CSMD1: variants seen among roughly 807,000 people sequenced by gnomAD.
The protein encoded by CSMD1 is CUB and Sushi multiple domains 1, also known as CUB and sushi domain-containing protein 1.
A neutral mutation model predicts 417.5 loss-of-function variants in CSMD1; 213 were observed. The observed-to-expected ratio is 0.51, with a 90% CI of 0.46 to 0.57. The LOEUF (loss-of-function observed/expected upper bound fraction) is 0.57. CSMD1 is among the 20% of genes least tolerant of loss of function. CSMD1 has a pLI of 0.00. For synonymous variants in CSMD1, 2,862 were observed against 1,736.8 expected, an observed-to-expected ratio of 1.65 and a Z score of -16.11; for missense variants, 6,923 against 4,529.7, an observed-to-expected ratio of 1.53 and a Z score of -15.17.
intron 9 of CSMD1, 30 bp downstream of exon 9, chr8:3,586,106 T>C (rs1489234581): frequency 1.9e-6 from 3 of 1,598,992 alleles, no homozygotes; most frequent in East Asian, 2.2e-5. Flanking sequence ...AAAGAGATAA[T>C]CCAGGCTTTA....
chr8:4,314,105 C>T (rs1016257508), intron 3 of CSMD1, among the ~76,000 whole-genome samples: 1 of 152,016 alleles, frequency 6.6e-6, no homozygotes, highest in African/African-American at 2.4e-5. Flanking sequence ...GGATTCAACA[C>T]TGATACCACC....
At chr8:4,464,385 A>G (rs774285544) in intron 2 of CSMD1, among the ~76,000 whole-genome samples, 3 of 152,242 alleles carry the variant, frequency 2.0e-5, no homozygotes, top group African/African-American at 7.2e-5. Flanking sequence ...TGCATTTAAT[A>G]TACCTAACCT....
chr8:4,676,797 G>A (rs1805712217), intron 1 of CSMD1, among the ~76,000 whole-genome samples: 1 of 151,628 alleles, frequency 6.6e-6, no homozygotes, highest in African/African-American at 2.4e-5. Context: ...TCAGCGAGTT[G>A]CTCATTTTAT....
At chr8:3,480,913 T>C (rs1419348659) in intron 11 of CSMD1, among the ~76,000 whole-genome samples, 1 of 151,940 alleles carries the variant, frequency 6.6e-6, no homozygotes, top group Non-Finnish European at 1.5e-5. Context: ...TCCCAGCACT[T>C]TGGGAGGCCG....
At chr8:3,121,477 G>T (rs1817202435) in intron 41 of CSMD1, among the ~76,000 whole-genome samples, 1 of 152,276 alleles carries the variant, frequency 6.6e-6, no homozygotes, top group East Asian at 1.9e-4. Flanking sequence ...AACACTATGT[G>T]AGACAAATTC....
intron 5 of CSMD1, among the ~76,000 whole-genome samples, chr8:3,788,388 G>C (rs1156932734): frequency 6.6e-6 from 1 of 152,104 alleles, no homozygotes; most frequent in Non-Finnish European, 1.5e-5. Flanking sequence ...AGCCTTCATT[G>C]GTCACAGAAG....
chr8:4,823,043 G>A (rs867592497), intron 1 of CSMD1, among the ~76,000 whole-genome samples: 3 of 152,016 alleles, frequency 2.0e-5, no homozygotes, highest in South Asian at 4.2e-4. Flanking sequence ...CTGTGTCTGT[G>A]AAATGCATTT....
intron 5 of CSMD1, among the ~76,000 whole-genome samples, chr8:3,884,859 G>C (rs1806448238): frequency 2.0e-5 from 3 of 150,648 alleles, no homozygotes. Context: ...AAATGCCAAG[G>C]CTGAGAATTT....
chr8:3,605,270 G>A (rs759867174), intron 8 of CSMD1, among the ~76,000 whole-genome samples: 22 of 152,260 alleles, frequency 1.4e-4, no homozygotes, highest in Non-Finnish European at 2.5e-4. Context: ...GTTTACAGGC[G>A]TGCGCCATCG....
intron 3 of CSMD1, among the ~76,000 whole-genome samples, chr8:4,290,822 T>A (rs1213070228): frequency 6.6e-6 from 1 of 152,188 alleles, no homozygotes; most frequent in African/African-American, 2.4e-5. Flanking sequence ...AATTTGTAAT[T>A]AAAATAATTC....
chr8:3,960,253 A>T (rs1043919155), intron 5 of CSMD1, among the ~76,000 whole-genome samples: 1 of 152,222 alleles, frequency 6.6e-6, no homozygotes, highest in Non-Finnish European at 1.5e-5. Flanking sequence ...ACATTCTGGA[A>T]ACAGCAAATC....
chr8:4,438,777 C>A (rs1798293414), intron 2 of CSMD1, among the ~76,000 whole-genome samples: 1 of 152,208 alleles, frequency 6.6e-6, no homozygotes, highest in Non-Finnish European at 1.5e-5. Flanking sequence ...CCCTGAATCA[C>A]AAGTGCTTGA....
intron 1 of CSMD1, among the ~76,000 whole-genome samples, chr8:4,704,813 G>A (rs1209665207): frequency 6.6e-6 from 1 of 152,154 alleles, no homozygotes; most frequent in Non-Finnish European, 1.5e-5. Flanking sequence ...AGTGAGCTTG[G>A]AAGTGCTTCC....
intron 7 of CSMD1, among the ~76,000 whole-genome samples, chr8:3,685,512 C>A (rs1002017833): frequency 2.0e-5 from 3 of 152,118 alleles, no homozygotes; most frequent in African/African-American, 7.2e-5. Flanking sequence ...CCTCCCTGAC[C>A]TACTAAAATT....
chr8:4,702,292 G>A (rs116285282), intron 1 of CSMD1, among the ~76,000 whole-genome samples: 1,929 of 152,258 alleles, frequency 0.013, 42 homozygotes, highest in African/African-American at 0.044. Context: ...AGGTTGCCTT[G>A]CTTCTGAGAC....
At chr8:3,650,700 T>A (rs1797812801) in intron 7 of CSMD1, among the ~76,000 whole-genome samples, 2 of 152,304 alleles carry the variant, frequency 1.3e-5, no homozygotes, top group South Asian at 4.1e-4. Context: ...AATGCTGGCT[T>A]CTCAAAGAAA....
chr8:3,046,200 G>C (rs938327050), intron 50 of CSMD1, among the ~76,000 whole-genome samples: 2 of 152,194 alleles, frequency 1.3e-5, no homozygotes, highest in African/African-American at 4.8e-5. Flanking sequence ...AGACACAAGG[G>C]AAGCGGAGGT....
chr8:3,535,749 G>T (rs59117944), intron 10 of CSMD1, among the ~76,000 whole-genome samples: 1 of 152,088 alleles, frequency 6.6e-6, no homozygotes. Flanking sequence ...CTTCAATTAT[G>T]TAGTGCTTGG....
chr8:3,564,552 T>A (rs905003421), intron 10 of CSMD1, among the ~76,000 whole-genome samples: 1 of 151,954 alleles, frequency 6.6e-6, no homozygotes, highest in African/African-American at 2.4e-5. Context: ...TGTGTGTGTA[T>A]AATACATGTT....
Sources: gnomAD v4.1 joint callset for allele counts (sites outside exome capture counted in the v4.1 genomes callset) on GRCh38, gnomAD v4.1.1 for gene constraint, MANE v1.5 for transcripts, NCBI Gene and HGNC (gene_info 2026-07-23, HGNC 2026-07-21) for gene names.